Variants in DCDC1 observed in about 807,000 individuals in gnomAD.
The protein encoded by DCDC1 is doublecortin domain-containing protein 1.
DCDC1 carries 200 observed loss-of-function variants against 178.3 expected under a neutral mutation model. The observed-to-expected ratio is 1.12, with a 90% CI of 1.00 to 1.26. The LOEUF (loss-of-function observed/expected upper bound fraction) is 1.26. DCDC1 is among the 50% of genes most tolerant of loss of function. The pLI is 0.00. For synonymous variants in DCDC1, 690 were observed against 604.8 expected (o/e 1.14, Z -2.07); for missense variants, 1,983 against 1,749.2 (o/e 1.13, Z -2.38).
chr11:31,315,014 A>G lies in DCDC1; in HGVS notation c.165-7106T>C, dbSNP rs1591736876. On this transcript the variant is annotated intron_variant, in intron 3 of 38. Transcript: ENST00000684477. ...TAAGTAATCTTTAAGGTCTAAAAAT[A>G]TAAGAAAATATTCTTAGGAAGGAGT... Among the ~76,000 whole-genome samples, 3 of 152,324 alleles carry G rather than the reference A, an allele frequency of 2.0e-5. No homozygotes were observed. In the East Asian group the frequency reaches 5.8e-4, roughly 29 times the overall value.
At chr11:31,351,648 G>C (rs1481552351) in intron 1 of DCDC1, among the ~76,000 whole-genome samples, 1 of 152,066 alleles carries the variant, frequency 6.6e-6, no homozygotes, top group Non-Finnish European at 1.5e-5. Context: ...TACTTTAATG[G>C]ACAGTGTTCT....
intron 9 of DCDC1, among the ~76,000 whole-genome samples, chr11:31,177,002 A>G (rs1968126135): frequency 6.6e-6 from 1 of 152,166 alleles, no homozygotes; most frequent in Non-Finnish European, 1.5e-5. Context: ...TCAAACTCAT[A>G]ATACCCCAGT....
intron 20 of DCDC1, among the ~76,000 whole-genome samples, chr11:30,968,531 T>G (rs1435832576): frequency 2.0e-5 from 3 of 151,548 alleles, no homozygotes; most frequent in Non-Finnish European, 1.5e-5. Context: ...TTGTTCTATT[T>G]TATTACTAGT....
intron 20 of DCDC1, among the ~76,000 whole-genome samples, chr11:30,980,304 A>G (rs1950328543): frequency 6.6e-6 from 1 of 152,174 alleles, no homozygotes; most frequent in Admixed American, 6.5e-5. Flanking sequence ...AGTCCATGAA[A>G]CCAAAGGGAG....
At chr11:30,877,667 T>C (rs987534284) in intron 38 of DCDC1, among the ~76,000 whole-genome samples, 1 of 152,188 alleles carries the variant, frequency 6.6e-6, no homozygotes, top group African/African-American at 2.4e-5. Context: ...AATCTAACTG[T>C]ACCCCATAAA....
chr11:30,884,034 T>TTTTTTTTTTTTTTTA lies in DCDC1; in HGVS notation c.5083-2727_5083-2726insTAAAAAAAAAAAAAA, dbSNP rs1942942949. ...AAGAAAACCAAAGCATTCTTTCTCA[T>TTTTTTTTTTTTTTTA]TTTTTTTTTTTTTTGAGACAGGGTC... On this transcript the variant is annotated intron_variant, in intron 36 of 38. Transcript: ENST00000684477. Among the ~76,000 whole-genome samples, 4 of 43,612 alleles carry TTTTTTTTTTTTTTTA rather than the reference T, an allele frequency of 9.2e-5. 1 individual carries two copies. The highest frequency in any genetic ancestry group is 6.9e-4 in the African/African-American group (3 of 4,326). 28.6% of individuals were successfully genotyped at this position (43,612 alleles called of 152,430 possible). A position where few individuals can be genotyped will look rare whatever the true frequency, so the allele number is the denominator to read the frequency against.
At position 31,106,933 on chromosome 11, in the gene DCDC1, GAA is replaced by G; in HGVS notation, c.1613_1614del (p.Leu538ProfsTer19). ...ERLLLKIHQR[L>X]QGSSINPPGL... Reference sequence around the variant, plus strand: ...CCTGGTGGGTTGATGGAAGAACCTTGAAGCCTTTGATGAATCTTGAGAAGTAA... The same window carrying G: ...CCTGGTGGGTTGATGGAAGAACCTTGGCCTTTGATGAATCTTGAGAAGTAA... On this transcript the variant is annotated frameshift_variant, in exon 13 of 39. Coordinates refer to ENST00000684477, the MANE Select transcript of DCDC1 (RefSeq NM_001387274.1). LOFTEE classifies it high-confidence loss of function. 1.3e-6 allele frequency: 1 copy of G among 765,860 alleles called. No homozygotes were observed. The highest frequency in any genetic ancestry group is 2.4e-6 in the Non-Finnish European group (1 of 417,744). The allele number at this position is 765,860 out of a possible 1,614,324, so 47.4% of individuals were successfully genotyped here. A position where few individuals can be genotyped will look rare whatever the true frequency, so the allele number is the denominator to read the frequency against.
In DCDC1 at chr11:30,878,536, A is replaced by G; in HGVS notation, c.*40+8T>C. 1 of 1,554,324 alleles carries G rather than the reference A, an allele frequency of 6.4e-7. No homozygotes were observed. The highest frequency in any genetic ancestry group is 1.2e-5 in the South Asian group (1 of 82,498). On this transcript the variant is annotated splice_region_variant and intron_variant, in intron 38 of 38. Transcript: ENST00000684477. ...ATAACAAACATGAGTATGTGCACAT[A>G]GCTATACCAGAAAAATACAGCAGAA...
intron 36 of DCDC1, among the ~76,000 whole-genome samples, chr11:30,889,333 C>A (rs543963667): frequency 7.3e-4 from 111 of 152,268 alleles, no homozygotes; most frequent in South Asian, 6.0e-3. Flanking sequence ...CTAAATCATC[C>A]AGAATAGCCA....
intron 9 of DCDC1, among the ~76,000 whole-genome samples, chr11:31,213,644 C>T (rs918833629): frequency 2.6e-5 from 4 of 151,254 alleles, no homozygotes; most frequent in African/African-American, 4.9e-5. Context: ...CACTTAAACC[C>T]GGGAGATGGA....
chr11:30,870,949 C>T (rs1400928347), intron 38 of DCDC1, among the ~76,000 whole-genome samples: 3 of 152,140 alleles, frequency 2.0e-5, no homozygotes, highest in African/African-American at 4.8e-5. Flanking sequence ...CATGTCTATA[C>T]TAACAATGCC....
Position 31,328,184 on chromosome 11 carries a change from G to A in DCDC1, c.97C>T (p.Pro33Ser). The part of the protein sequence containing the change: ...EAMEVLQQSS[P>S]EGTLDGNTVN... ...GTATTCCCATCCAAAGTGCCTTCAG[G>A]GCTACTTTGCTGTAATACTTCCATT... Residue 33 changes from proline to serine, a missense_variant, in exon 3 of 39, where the codon CCT becomes TCT. By Grantham distance (74) the Pro-to-Ser change is moderately conservative. Transcript: ENST00000684477. The A allele has an allele frequency of 6.2e-7, 1 of 1,611,820 alleles. No homozygotes were observed. The highest frequency in any genetic ancestry group is 1.1e-5 in the South Asian group (1 of 90,842).
At chr11:31,308,719 G>A (rs545209869) in intron 3 of DCDC1, among the ~76,000 whole-genome samples, 1 of 152,138 alleles carries the variant, frequency 6.6e-6, no homozygotes, top group African/African-American at 2.4e-5. Flanking sequence ...TAGACACCAA[G>A]TTGGGAAGAT....
chr11:31,207,155 T>C (rs1010941458), intron 9 of DCDC1, among the ~76,000 whole-genome samples: 2 of 152,150 alleles, frequency 1.3e-5, no homozygotes, highest in African/African-American at 2.4e-5. Flanking sequence ...GAGATAATAA[T>C]AGAACCTGTA....
chr11:31,362,763 C>A (rs937552630), intron 1 of DCDC1, among the ~76,000 whole-genome samples: 5 of 152,080 alleles, frequency 3.3e-5, no homozygotes, highest in African/African-American at 9.7e-5. Context: ...TGTGGAAATT[C>A]ATCAGAAAAC....
At chr11:30,912,578 C>A (rs530429901) in intron 27 of DCDC1, among the ~76,000 whole-genome samples, 1 of 152,138 alleles carries the variant, frequency 6.6e-6, no homozygotes, top group African/African-American at 2.4e-5. Flanking sequence ...CCACCATGCC[C>A]GGCCCTGTTT....
intron 9 of DCDC1, among the ~76,000 whole-genome samples, chr11:31,181,700 A>G (rs576230842): frequency 2.0e-5 from 3 of 152,342 alleles, no homozygotes; most frequent in Admixed American, 1.3e-4. Flanking sequence ...CCACACAGAA[A>G]GCCCACCCTA....
At chr11:31,271,820 G>A (rs1014541735) in intron 7 of DCDC1, among the ~76,000 whole-genome samples, 2 of 152,042 alleles carry the variant, frequency 1.3e-5, no homozygotes, top group Non-Finnish European at 2.9e-5. Flanking sequence ...TACATGGATG[G>A]CAGCAGGCAG....
intron 20 of DCDC1, among the ~76,000 whole-genome samples, chr11:31,028,953 C>T (rs905597687): frequency 2.0e-5 from 3 of 151,998 alleles, no homozygotes; most frequent in Non-Finnish European, 4.4e-5. Flanking sequence ...TTGAATTAAG[C>T]TAAGTATGAC....
Sources: gnomAD v4.1 joint callset for allele counts (sites outside exome capture counted in the v4.1 genomes callset) on GRCh38, gnomAD v4.1.1 for gene constraint, MANE v1.5 for transcripts, NCBI Gene and HGNC (gene_info 2026-07-23, HGNC 2026-07-21) for gene names.